TMEM132D: variants seen among roughly 807,000 people sequenced by gnomAD.
The protein encoded by TMEM132D is transmembrane protein 132D.
In TMEM132D, 21 loss-of-function variants were observed where a neutral mutation model predicts 62.3. That is an observed-to-expected ratio of 0.34 (90% confidence interval 0.24 to 0.49). The LOEUF (loss-of-function observed/expected upper bound fraction) is 0.49. Ranked by LOEUF, TMEM132D falls within the 20% of genes least tolerant of loss-of-function variation. The pLI is 0.99. For missense variants in TMEM132D, 1,346 were observed against 1,402.8 expected, an observed-to-expected ratio of 0.96 and a Z score of 0.65; for synonymous variants, 621 against 575.6, an observed-to-expected ratio of 1.08 and a Z score of -1.13.
intron 1 of TMEM132D, among the ~76,000 whole-genome samples, chr12:129,712,708 C>T (rs1000199975): frequency 2.6e-5 from 4 of 152,128 alleles, no homozygotes; most frequent in African/African-American, 7.2e-5. Flanking sequence ...CCATACTGGA[C>T]GTCTCTAGTC....
chr12:129,344,376 C>T (rs189674735), intron 3 of TMEM132D, among the ~76,000 whole-genome samples: 11 of 152,218 alleles, frequency 7.2e-5, no homozygotes, highest in Admixed American at 3.9e-4. Flanking sequence ...AAGAGGCCCC[C>T]GCCCCAAAGG....
chr12:129,740,285 T>C (rs1869560292), intron 1 of TMEM132D, among the ~76,000 whole-genome samples: 1 of 152,222 alleles, frequency 6.6e-6, no homozygotes, highest in South Asian at 2.1e-4. Context: ...GTGACTTTCA[T>C]GGTTCAAGAC....
At chr12:129,308,410 C>A (rs1451085180) in intron 4 of TMEM132D, among the ~76,000 whole-genome samples, 1 of 152,152 alleles carries the variant, frequency 6.6e-6, no homozygotes, top group Non-Finnish European at 1.5e-5. Flanking sequence ...TGAAAGGAAT[C>A]TAATTTGCAT....
intron 4 of TMEM132D, among the ~76,000 whole-genome samples, chr12:129,216,918 C>G (rs968894521): frequency 6.6e-6 from 1 of 152,174 alleles, no homozygotes; most frequent in African/African-American, 2.4e-5. Context: ...GATTTCTTAT[C>G]GGTCTTAAGC....
At chr12:129,222,547 TCTGA>T (rs1879377095) in intron 4 of TMEM132D, among the ~76,000 whole-genome samples, 1 of 152,242 alleles carries the variant, frequency 6.6e-6, no homozygotes, top group African/African-American at 2.4e-5. Flanking sequence ...AAATTTTATC[TCTGA>T]CTGCCTTCTA....
chr12:129,696,741 T>A (rs896742222), intron 2 of TMEM132D, among the ~76,000 whole-genome samples: 1 of 152,172 alleles, frequency 6.6e-6, no homozygotes, highest in African/African-American at 2.4e-5. Flanking sequence ...CACAGGAGAA[T>A]GTGTGGCTAG....
chr12:129,100,371 G>A (rs1432107359), intron 5 of TMEM132D, among the ~76,000 whole-genome samples: 1 of 152,178 alleles, frequency 6.6e-6, no homozygotes, highest in African/African-American at 2.4e-5. Context: ...GAAGGTCAAG[G>A]TGACCCCAGC....
intron 2 of TMEM132D, among the ~76,000 whole-genome samples, chr12:129,675,362 G>T (rs1036858214): frequency 6.6e-6 from 1 of 151,476 alleles, no homozygotes; most frequent in African/African-American, 2.4e-5. Flanking sequence ...ATCACACACC[G>T]GGGCCTGTCG....
chr12:129,600,328 G>A (rs1226521579), intron 2 of TMEM132D, among the ~76,000 whole-genome samples: 1 of 152,110 alleles, frequency 6.6e-6, no homozygotes, highest in Non-Finnish European at 1.5e-5. Context: ...TCTAATTCTA[G>A]CTCTCTTGCT....
chr12:129,110,233 CTCTG>C (rs1875645898), intron 5 of TMEM132D: 1 of 152,182 alleles, frequency 6.6e-6, no homozygotes, highest in African/African-American at 2.4e-5. Flanking sequence ...GTGCACTTAA[CTCTG>C]TCTGCTTCCT....
intron 3 of TMEM132D, among the ~76,000 whole-genome samples, chr12:129,408,160 A>G (rs1054231346): frequency 9.9e-5 from 15 of 152,050 alleles, no homozygotes; most frequent in Admixed American, 2.6e-4. Flanking sequence ...CATCCACCAA[A>G]CAGGAGTTTT....
chr12:129,837,904 G>A (rs1030756954), intron 1 of TMEM132D, among the ~76,000 whole-genome samples: 4 of 152,104 alleles, frequency 2.6e-5, no homozygotes, highest in African/African-American at 7.2e-5. Flanking sequence ...ACCCTGGAAC[G>A]GCTAAGTTAA....
intron 1 of TMEM132D, among the ~76,000 whole-genome samples, chr12:129,875,296 G>C (rs960309822): frequency 2.1e-4 from 32 of 152,310 alleles, no homozygotes; most frequent in African/African-American, 6.3e-4. Flanking sequence ...GCTGATGTCC[G>C]ATGGCCTCAC....
intron 4 of TMEM132D, among the ~76,000 whole-genome samples, chr12:129,233,088 T>C (rs1197601742): frequency 1.3e-5 from 2 of 152,250 alleles, no homozygotes; most frequent in Non-Finnish European, 1.5e-5. Context: ...CTGTAGCACC[T>C]AGTTAGAAAT....
At chr12:129,849,069 G>A (rs954183812) in intron 1 of TMEM132D, among the ~76,000 whole-genome samples, 1 of 152,202 alleles carries the variant, frequency 6.6e-6, no homozygotes, top group Admixed American at 6.5e-5. Context: ...AAGGAGAAAT[G>A]TTCCAGAGAA....
At chr12:129,681,020 A>C (rs1235976919) in intron 2 of TMEM132D, among the ~76,000 whole-genome samples, 1 of 152,172 alleles carries the variant, frequency 6.6e-6, no homozygotes, top group Non-Finnish European at 1.5e-5. Flanking sequence ...GCTTCAATTG[A>C]CCAAATGTAA....
chr12:129,190,933 C>T (rs1265829369), intron 5 of TMEM132D, among the ~76,000 whole-genome samples: 5 of 152,102 alleles, frequency 3.3e-5, no homozygotes, highest in South Asian at 2.1e-4. Context: ...GGACAGGCTC[C>T]GGGTGCTGCC....
At chr12:129,435,909 A>AT (rs1343248546) in intron 3 of TMEM132D, among the ~76,000 whole-genome samples, 1 of 152,136 alleles carries the variant, frequency 6.6e-6, no homozygotes, top group Non-Finnish European at 1.5e-5. Context: ...CAAAAACTAC[A>AT]TTTTCCAGCG....
At chr12:129,178,543 AC>A (rs1194667528) in intron 5 of TMEM132D, among the ~76,000 whole-genome samples, 4 of 150,968 alleles carry the variant, frequency 2.6e-5, no homozygotes, top group South Asian at 2.1e-4. Context: ...TCTGACTCTT[AC>A]AAAATTAATA....
Sources: allele counts gnomAD v4.1 joint callset (sites outside exome capture counted in the v4.1 genomes callset), GRCh38; gene constraint gnomAD v4.1.1; transcripts MANE v1.5; gene names NCBI Gene and HGNC (gene_info 2026-07-23, HGNC 2026-07-21).